The following STYXL1 variants were observed in gnomAD, a reference collection of about 807,000 sequenced individuals.
STYXL1 encodes the protein serine/threonine/tyrosine-interacting-like protein 1.
In STYXL1, 32 loss-of-function variants were observed where a neutral mutation model predicts 36.4. The observed-to-expected ratio is 0.88, with a 90% CI of 0.66 to 1.18. The LOEUF (loss-of-function observed/expected upper bound fraction) is 1.18, where lower values mean the gene tolerates loss of function less well. Among genes scored for constraint, STYXL1 ranks in the 50% most tolerant of loss-of-function variants. The pLI, the probability that STYXL1 is intolerant of heterozygous loss-of-function variation, is 0.00. For missense variants in STYXL1, 354 were observed against 394.1 expected (o/e 0.90, Z 0.86); for synonymous variants, 133 against 144.1 (o/e 0.92, Z 0.55).
At chr7:76,018,427 G>A (rs1793659509) in intron 4 of STYXL1, among the ~76,000 whole-genome samples, 1 of 149,880 alleles carries the variant, frequency 6.7e-6, no homozygotes, top group Non-Finnish European at 1.5e-5. Context: ...GTTTCACTCT[G>A]TTGTCCAGGC....
intron 7 of STYXL1, among the ~76,000 whole-genome samples, chr7:76,001,686 G>A (rs2072613934): frequency 6.6e-6 from 1 of 151,928 alleles, no homozygotes; most frequent in African/African-American, 2.4e-5. Context: ...ATAGAGATGG[G>A]GTTTCACCAT....
At chr7:76,014,786 ATAT>A (rs1214844457) in intron 4 of STYXL1, among the ~76,000 whole-genome samples, 8 of 148,978 alleles carry the variant, frequency 5.4e-5, no homozygotes, top group East Asian at 2.0e-4. Flanking sequence ...ATACATGTAT[ATAT>A]TATATTTATA....
At chr7:76,034,710 G>A (rs1185803107) in intron 1 of STYXL1, among the ~76,000 whole-genome samples, 1 of 152,166 alleles carries the variant, frequency 6.6e-6, no homozygotes, top group Non-Finnish European at 1.5e-5. Context: ...GGCATCCCTG[G>A]CCTCTGCCTA....
intron 1 of STYXL1, among the ~76,000 whole-genome samples, chr7:76,034,573 T>C (rs1554580311): frequency 6.6e-6 from 1 of 152,174 alleles, no homozygotes; most frequent in East Asian, 1.9e-4. Context: ...CCGGGCTTAC[T>C]TTCCTTTTTT....
At chr7:75,997,376 G>A (rs975455252) in intron 8 of STYXL1, among the ~76,000 whole-genome samples, 1 of 152,204 alleles carries the variant, frequency 6.6e-6, no homozygotes, top group Non-Finnish European at 1.5e-5. Context: ...GGAGGTTGCA[G>A]TGAGCCGAGA....
intron 3 of STYXL1, among the ~76,000 whole-genome samples, chr7:76,025,513 G>A (rs782370354): frequency 6.6e-6 from 1 of 152,138 alleles, no homozygotes; most frequent in Non-Finnish European, 1.5e-5. Context: ...TTATGGGCCT[G>A]GTGTGGTGGC....
chr7:76,013,572 G>A (rs549750196), intron 5 of STYXL1, among the ~76,000 whole-genome samples, 170 bp downstream of exon 5: 1 of 151,394 alleles, frequency 6.6e-6, no homozygotes, highest in African/African-American at 2.4e-5. Context: ...CTATGGGCAC[G>A]CACCACCACG....
At chr7:76,044,813 A>C (rs1796792613) in intron 1 of STYXL1, 1 of 152,146 alleles carries the variant, frequency 6.6e-6, no homozygotes, top group South Asian at 2.1e-4. Flanking sequence ...GTTTCATGTC[A>C]GCCTCTTGGG....
chr7:76,036,607 G>T (rs1795926976), intron 1 of STYXL1, among the ~76,000 whole-genome samples: 1 of 145,248 alleles, frequency 6.9e-6, no homozygotes, highest in East Asian at 1.9e-4. Context: ...TTTCAATTTT[G>T]ATTAAATTTA....
At chr7:76,026,982 G>A (rs1794786787) in intron 3 of STYXL1, among the ~76,000 whole-genome samples, 3 of 152,150 alleles carry the variant, frequency 2.0e-5, no homozygotes. Flanking sequence ...AGAATCATTT[G>A]AACCTGGGAG....
At chr7:76,003,665 C>A (rs1554568776) in intron 7 of STYXL1, 93 bp downstream of exon 7, 2 of 1,166,766 alleles carry the variant, frequency 1.7e-6, no homozygotes, top group African/African-American at 1.5e-5. Flanking sequence ...ATGGGGAAAT[C>A]ACGGTCCAGA....
At chr7:76,004,092 G>A (rs1791333873) in intron 6 of STYXL1, among the ~76,000 whole-genome samples, 1 of 151,930 alleles carries the variant, frequency 6.6e-6, no homozygotes, top group East Asian at 1.9e-4. Context: ...CGAGACCCTT[G>A]TCTTTTTTTT....
chr7:76,047,754 T>C lies in STYXL1; in HGVS notation c.-97A>G. ...GCTCGGGTCTGGGACGCGCTCCACC[T>C]CCCCGGCTGCGCGACTATGGCCAGG... On this transcript the variant is annotated 5_prime_UTR_variant, in exon 1 of 9. Transcript: ENST00000359697. 2.9e-6 allele frequency: 1 copy of C among 347,994 alleles called. No homozygotes were observed. Among genetic ancestry groups the C allele is most frequent in the Non-Finnish European group, 4.9e-6 (1 of 203,386 alleles). 21.6% of individuals were successfully genotyped at this position (347,994 alleles called of 1,614,324 possible).
chr7:76,027,012 G>A (rs1368317844), intron 3 of STYXL1, among the ~76,000 whole-genome samples: 2 of 151,966 alleles, frequency 1.3e-5, no homozygotes, highest in Non-Finnish European at 2.9e-5. Context: ...GCAGTGAGCC[G>A]AAATTGTGCC....
At chr7:76,008,199 C>CAAA (rs60080805) in intron 5 of STYXL1, among the ~76,000 whole-genome samples, 5 of 33,746 alleles carry the variant, frequency 1.5e-4, no homozygotes, top group East Asian at 1.1e-3. Flanking sequence ...AACTCCATCT[C>CAAA]AAAAAAAAAA....
Position 76,003,808 on chromosome 7 carries a change from G to C in STYXL1, c.647C>G (p.Ser216Cys). Residue 216 changes from serine (S) to cysteine (C), a missense_variant, in exon 7 of 9, where the codon TCC (serine) becomes TGC (cysteine). Transcript: ENST00000359697. Reference sequence around the variant, plus strand: ...GAAGGGAAGAATCTGGGCTTCCGGGGAATCTTCTATCCGGATGTGCAGAAG... The same window carrying C: ...GAAGGGAAGAATCTGGGCTTCCGGGCAATCTTCTATCCGGATGTGCAGAAG... ...DKLLHIRIEDSPEAQILPFLR... is the reference protein window; with the variant it reads ...DKLLHIRIEDCPEAQILPFLR... 1 of 1,614,210 alleles carries C rather than the reference G, an allele frequency of 6.2e-7. No homozygotes were observed. Among genetic ancestry groups the C allele is most frequent in the South Asian group, 1.1e-5 (1 of 91,082 alleles).
intron 4 of STYXL1, among the ~76,000 whole-genome samples, chr7:76,017,222 T>C (rs566469937): frequency 4.4e-4 from 67 of 152,026 alleles, no homozygotes; most frequent in African/African-American, 1.5e-3. Flanking sequence ...GGGGTTTCAC[T>C]ATGTTAGCCA....
At position 76,028,705 on chromosome 7, in the gene STYXL1, T is replaced by C. The variant is rs782654676; in HGVS notation, c.104-2A>G. ...CATACTCCCATTTGGAACGGACATC[T>C]GGAAAGGAAACGTATTTAAGAACTG... On this transcript the variant is annotated splice_acceptor_variant, in intron 2 of 8. Coordinates refer to ENST00000359697, the MANE Select transcript of STYXL1 (RefSeq NM_001317785.2). LOFTEE classifies it high-confidence loss of function. The C allele has an allele frequency of 3.1e-6, 5 of 1,614,024 alleles. No homozygotes were observed. The highest frequency in any genetic ancestry group is 1.7e-5 in the Admixed American group (1 of 60,002).
Position 76,024,413 on chromosome 7 carries a change from G to T in STYXL1, c.166-2421C>A, listed in dbSNP as rs1420603688. Among the ~76,000 whole-genome samples the T allele has an allele frequency of 2.0e-5, 3 of 152,158 alleles. No homozygotes were observed. In the East Asian group the frequency reaches 5.9e-4, roughly 30 times the overall value. On this transcript the variant is annotated intron_variant, in intron 3 of 8. Transcript: ENST00000359697. ...GAGGGAGGACTGCTTGAGCCCAGGC[G>T]TTCAAGACCAGCCTGGGTAACATAG... is the stretch of plus-strand genomic sequence containing the variant.
Sources: gnomAD v4.1 joint callset for allele counts (sites outside exome capture counted in the v4.1 genomes callset) on GRCh38, gnomAD v4.1.1 for gene constraint, MANE v1.5 for transcripts, NCBI Gene and HGNC (gene_info 2026-07-23, HGNC 2026-07-21) for gene names.